The following OR51E2 variants were observed in gnomAD, a reference collection of about 807,000 sequenced individuals.
The protein encoded by OR51E2 is olfactory receptor 51E2.
OR51E2 carries 14 observed loss-of-function variants against 13.7 expected under a neutral mutation model. The ratio of observed to expected loss-of-function variants is 1.02; its 90% CI spans 0.68 to 1.60. OR51E2 has a LOEUF of 1.60. OR51E2 is among the 40% of genes most tolerant of loss of function. OR51E2 has a pLI of 0.00. For missense variants in OR51E2, 483 were observed against 413.8 expected (o/e 1.17, Z -1.45); for synonymous variants, 180 against 157.6 (o/e 1.14, Z -1.07).
In OR51E2 at chr11:4,681,623, CTTTAG is replaced by C; in HGVS notation, c.*121_*125del. On this transcript the variant is annotated 3_prime_UTR_variant, in exon 2 of 2. Transcript: ENST00000396950. ...TAGTCCTTTAGGTAGATGTACCATA[CTTTAG>C]TTTACTATTCCAGCCAGAGAAAAGT... 9.9e-7 allele frequency: 1 copy of C among 1,008,014 alleles called. No homozygotes were observed. Among genetic ancestry groups the C allele is most frequent in the Non-Finnish European group, 1.5e-6 (1 of 671,674 alleles). The allele number at this position is 1,008,014 out of a possible 1,614,324, so 62.4% of individuals were successfully genotyped here. A position where few individuals can be genotyped will look rare whatever the true frequency, so the allele number is the denominator to read the frequency against.
At chr11:4,689,169 T>C (rs927239299) in intron 1 of OR51E2, among the ~76,000 whole-genome samples, 5 of 152,270 alleles carry the variant, frequency 3.3e-5, no homozygotes, top group Middle Eastern at 3.4e-3. Context: ...CATTGCAACA[T>C]ATAAAGATGA....
intron 1 of OR51E2, among the ~76,000 whole-genome samples, chr11:4,684,822 CT>C (rs1426268873): frequency 1.3e-5 from 2 of 152,202 alleles, no homozygotes; most frequent in African/African-American, 2.4e-5. Flanking sequence ...AGTAGACTCC[CT>C]GCTAAACCCA....
chr11:4,685,078 C>T (rs1352158336), intron 1 of OR51E2: 2 of 152,252 alleles, frequency 1.3e-5, no homozygotes, highest in Non-Finnish European at 2.9e-5. Flanking sequence ...TACAGTCCTA[C>T]TTAGAAAGAG....
chr11:4,690,157 A>C lies in OR51E2; in HGVS notation c.-50-7396T>G, dbSNP rs953131915. 4.6e-5 allele frequency among the ~76,000 whole-genome samples: 7 copies of C among 151,518 alleles called. No individual in the cohort carries two copies. The East Asian group carries it at 5.8e-4, about 13-fold the overall frequency. ...GGGACTCTGGAGTCAGTCTGCATGG[A>C]TGTGCTCTGCCATCAGCAACACCAG... On this transcript the variant is annotated intron_variant, in intron 1 of 1. Transcript: ENST00000396950.
At chr11:4,690,217 A>G (rs1164664913) in intron 1 of OR51E2, among the ~76,000 whole-genome samples, 2 of 151,924 alleles carry the variant, frequency 1.3e-5, no homozygotes, top group Non-Finnish European at 2.9e-5. Context: ...TTAACATTTC[A>G]TGCCTCAATT....
chr11:4,690,907 A>C, intron 1 of OR51E2: 2 of 456,388 alleles, frequency 4.4e-6, no homozygotes, highest in South Asian at 3.1e-5. Flanking sequence ...TGTTTCCCAA[A>C]TCTGTGAACA....
intron 1 of OR51E2, among the ~76,000 whole-genome samples, chr11:4,688,404 G>A (rs1418629877): frequency 1.3e-5 from 2 of 152,176 alleles, no homozygotes; most frequent in Non-Finnish European, 2.9e-5. Context: ...GTTGAAGCAT[G>A]CTTGATGAGT....
At chr11:4,690,249 A>C (rs1190341231) in intron 1 of OR51E2, among the ~76,000 whole-genome samples, 1 of 152,034 alleles carries the variant, frequency 6.6e-6, no homozygotes, top group African/African-American at 2.4e-5. Flanking sequence ...AATTAAAGTG[A>C]TTATCTTATA....
In OR51E2 at chr11:4,693,613, G is replaced by C. The variant is rs536851855; in HGVS notation, c.-51+4040C>G. ...GCGGGCGCCTGTAGTTCCAGCTACT[G>C]GGGAGGCTGAGGCAGGAGAATGGAG... On this transcript the variant is annotated intron_variant, in intron 1 of 1. Transcript: ENST00000396950. Among the ~76,000 whole-genome samples, 9 of 152,160 alleles carry C rather than the reference G, an allele frequency of 5.9e-5. No individual in the cohort carries two copies. The South Asian group carries it at 1.2e-3, about 21-fold the overall frequency.
intron 1 of OR51E2, among the ~76,000 whole-genome samples, chr11:4,689,470 A>C (rs1226656053): frequency 6.6e-6 from 1 of 152,168 alleles, no homozygotes. Flanking sequence ...GTTGGCAGAG[A>C]TCTCCATAAA....
At chr11:4,694,551 T>TAC (rs200731925) in intron 1 of OR51E2, among the ~76,000 whole-genome samples, 2 of 129,718 alleles carry the variant, frequency 1.5e-5, no homozygotes, top group Non-Finnish European at 3.3e-5. Flanking sequence ...TATATATATA[T>TAC]ACACACACAC....
chr11:4,682,187 G>C lies in OR51E2; in HGVS notation c.525C>G (p.His175Gln). Residue 175 changes from histidine to glutamine, a missense_variant, in exon 2 of 2, where the codon CAC becomes CAG. His to Gln is a conservative substitution (Grantham distance 24). Coordinates refer to ENST00000396950, the MANE Select transcript of OR51E2 (RefSeq NM_030774.4). ...LAFCHSNVLS[H>Q]SYCVHQDVMK... ...TTACATCCTGGTGGACACAATAGGA[G>C]TGCGAGAGGACATTGGAGTGGCAGA... 6.2e-7 allele frequency: 1 copy of C among 1,614,244 alleles called. No individual in the cohort carries two copies. Among genetic ancestry groups the C allele is most frequent in the Non-Finnish European group, 8.5e-7 (1 of 1,180,044 alleles).
chr11:4,694,502 A>G, intron 1 of OR51E2, among the ~76,000 whole-genome samples: 1 of 138,956 alleles, frequency 7.2e-6, no homozygotes, highest in Non-Finnish European at 1.6e-5. Context: ...ATATATATAT[A>G]CACACACATA....
At chr11:4,690,448 G>A (rs142709845) in intron 1 of OR51E2, 1 of 163,442 alleles carries the variant, frequency 6.1e-6, no homozygotes, top group Non-Finnish European at 1.3e-5. Flanking sequence ...GATAATAACA[G>A]AAAGGGTGTT....
chr11:4,695,450 C>A (rs1847644455), intron 1 of OR51E2, among the ~76,000 whole-genome samples: 2 of 152,282 alleles, frequency 1.3e-5, no homozygotes, highest in Admixed American at 1.3e-4. Flanking sequence ...TCATAATTAG[C>A]CTTGTGCTTT....
chr11:4,682,907 C>T (rs1239451634), intron 1 of OR51E2, 146 bp from the exon 2 acceptor site: 3 of 584,390 alleles, frequency 5.1e-6, no homozygotes. Context: ...AGATCAAATT[C>T]ATTTATGCAT....
At chr11:4,695,872 CT>C (rs1425719805) in intron 1 of OR51E2, among the ~76,000 whole-genome samples, 1 of 152,070 alleles carries the variant, frequency 6.6e-6, no homozygotes, top group Non-Finnish European at 1.5e-5. Context: ...AGAAGTACCT[CT>C]TCTTTTCTTG....
chr11:4,682,641 A>C lies in OR51E2; in HGVS notation c.71T>G (p.Phe24Cys). 1 of 1,614,224 alleles carries C rather than the reference A, an allele frequency of 6.2e-7. No individual in the cohort carries two copies. Among genetic ancestry groups the C allele is most frequent in the Non-Finnish European group, 8.5e-7 (1 of 1,180,040 alleles). The stretch of plus-strand genomic sequence containing the variant: ...GGAAAGGAGGGGGAAGCCAACCCAG[A>C]AATGGGCTTTCTCTAATCCTGGGAT... The part of the protein sequence containing the change: ...IGIPGLEKAH[F>C]WVGFPLLSMY... Residue 24 changes from phenylalanine to cysteine, a missense_variant, in exon 2 of 2, where the codon TTC becomes TGC. Physicochemically the swap from Phe to Cys is radical, Grantham distance 205. Coordinates refer to ENST00000396950, the MANE Select transcript of OR51E2 (RefSeq NM_030774.4).
At chr11:4,695,875 C>T (rs1194247683) in intron 1 of OR51E2, among the ~76,000 whole-genome samples, 1 of 152,040 alleles carries the variant, frequency 6.6e-6, no homozygotes, top group East Asian at 1.9e-4. Context: ...AGTACCTCTT[C>T]TTTTCTTGCT....
Sources: allele counts gnomAD v4.1 joint callset (sites outside exome capture counted in the v4.1 genomes callset), GRCh38; gene constraint gnomAD v4.1.1; transcripts MANE v1.5; gene names NCBI Gene and HGNC (gene_info 2026-07-23, HGNC 2026-07-21).